The following APP variants were observed in gnomAD, a reference collection of about 807,000 sequenced individuals.
The protein encoded by APP is amyloid beta precursor protein, also known as amyloid-beta precursor protein.
In APP, 31 loss-of-function variants were observed where a neutral mutation model predicts 101.4. The observed-to-expected ratio is 0.31, with a 90% CI of 0.23 to 0.41. APP has a LOEUF of 0.41. Ranked by LOEUF, APP falls within the 10% of genes least tolerant of loss-of-function variation. APP has a pLI of 1.00. For missense variants in APP, 839 were observed against 1,003.7 expected (o/e 0.84, Z 2.22); for synonymous variants, 366 against 364.4 (o/e 1.00, Z -0.05).
At chr21:26,112,193 C>CAGAG (rs769345045) in intron 1 of APP, 47 bp from the exon 2 acceptor site, 13 of 1,597,120 alleles carry the variant, frequency 8.1e-6, no homozygotes, top group Non-Finnish European at 1.0e-5. Flanking sequence ...AGCTCCAAGG[C>CAGAG]AGAGGCTTGG....
At chr21:26,013,948 C>A (rs1291313885) in intron 6 of APP, among the ~76,000 whole-genome samples, 4 of 152,184 alleles carry the variant, frequency 2.6e-5, no homozygotes. Context: ...AAATAACAGG[C>A]TGTTACCTGT....
At chr21:25,928,366 C>CAAAG (rs1244113115) in intron 13 of APP, among the ~76,000 whole-genome samples, 3 of 151,566 alleles carry the variant, frequency 2.0e-5, no homozygotes, top group Non-Finnish European at 4.4e-5. Context: ...AACAAACAAA[C>CAAAG]AAACAAAAAA....
At chr21:26,024,583 C>T (rs1033312188) in intron 5 of APP, among the ~76,000 whole-genome samples, 3 of 152,040 alleles carry the variant, frequency 2.0e-5, no homozygotes, top group African/African-American at 7.3e-5. Flanking sequence ...CTAACAGGAC[C>T]GCCATAAGTA....
intron 3 of APP, among the ~76,000 whole-genome samples, chr21:26,073,362 GCACC>G (rs554592660): frequency 7.2e-5 from 11 of 152,264 alleles, no homozygotes; most frequent in South Asian, 6.2e-4. Context: ...TGGGGAGAAT[GCACC>G]CATCAACCGA....
chr21:25,955,680 A>C lies in APP; in HGVS notation c.1534T>G (p.Phe512Val), dbSNP rs1216587217. 6.2e-7 allele frequency: 1 copy of C among 1,614,012 alleles called. No individual in the cohort carries two copies. Among genetic ancestry groups the C allele is most frequent in the Non-Finnish European group, 8.5e-7 (1 of 1,180,036 alleles). ...GGATCCACCATGCGCACATGCTCGAAATGCTTTAGGGTGTGCTGTCTGTCC... is the reference window on the plus strand; with the variant it reads ...GGATCCACCATGCGCACATGCTCGACATGCTTTAGGGTGTGCTGTCTGTCC... ...QKDRQHTLKH[F>V]EHVRMVDPKK... is the part of the protein sequence containing the mutation. Residue 512 changes from phenylalanine to valine, a missense_variant, in exon 12 of 18, where the codon TTC becomes GTC. Phe to Val is a conservative substitution (Grantham distance 50). Coordinates refer to ENST00000346798, the MANE Select transcript of APP (RefSeq NM_000484.4).
chr21:26,128,871 T>C (rs529030185), intron 1 of APP, among the ~76,000 whole-genome samples: 164 of 152,300 alleles, frequency 1.1e-3, no homozygotes, highest in Non-Finnish European at 2.0e-3. Context: ...TTGAAATGGA[T>C]GATCAAGCAA....
At chr21:25,951,886 G>T (rs2041092284) in intron 13 of APP, among the ~76,000 whole-genome samples, 1 of 152,106 alleles carries the variant, frequency 6.6e-6, no homozygotes, top group Non-Finnish European at 1.5e-5. Flanking sequence ...TGTTTTAAAT[G>T]TTCCTTCAAA....
intron 15 of APP, among the ~76,000 whole-genome samples, chr21:25,903,078 A>G (rs1363520327): frequency 1.6e-5 from 1 of 61,834 alleles, no homozygotes; most frequent in African/African-American, 6.7e-5. Flanking sequence ...ATTTTTTTTA[A>G]AAGAATAGGC....
chr21:26,159,408 T>C (rs1449250994), intron 1 of APP, among the ~76,000 whole-genome samples: 2 of 152,122 alleles, frequency 1.3e-5, no homozygotes, highest in Admixed American at 1.3e-4. Context: ...AACATCTAAC[T>C]CCAAATAAAT....
intron 6 of APP, 130 bp from the exon 7 acceptor site, chr21:26,000,312 A>C (rs1243411747): frequency 1.7e-5 from 20 of 1,149,058 alleles, no homozygotes; most frequent in Non-Finnish European, 2.5e-5. Flanking sequence ...AGCATCTACC[A>C]AACATTTACT....
At chr21:25,887,965 G>T (rs36003052) in intron 17 of APP, among the ~76,000 whole-genome samples, 63,900 of 143,918 alleles carry the variant, frequency 0.44, 13,435 homozygotes, top group Middle Eastern at 0.51. Flanking sequence ...TTGTTCTCAG[G>T]AGTTTTTTTC....
At chr21:26,143,918 T>A (rs906907493) in intron 1 of APP, among the ~76,000 whole-genome samples, 1 of 152,208 alleles carries the variant, frequency 6.6e-6, no homozygotes, top group African/African-American at 2.4e-5. Context: ...GTAGCCTCCC[T>A]GTATTAATCT....
chr21:25,947,658 G>A (rs1393234031), intron 13 of APP, among the ~76,000 whole-genome samples: 2 of 152,132 alleles, frequency 1.3e-5, no homozygotes, highest in Non-Finnish European at 2.9e-5. Context: ...GGAGCTCTGA[G>A]ACTATTATGA....
intron 2 of APP, among the ~76,000 whole-genome samples, chr21:26,091,216 TG>T (rs892967884): frequency 1.2e-4 from 19 of 152,018 alleles, no homozygotes; most frequent in African/African-American, 4.6e-4. Flanking sequence ...CAATCTCAAG[TG>T]GCAAAAGTGA....
chr21:25,903,959 G>A (rs147160609), intron 15 of APP, among the ~76,000 whole-genome samples: 1,849 of 147,506 alleles, frequency 0.013, 21 homozygotes, highest in Non-Finnish European at 0.017. Flanking sequence ...GTCATGGCTC[G>A]AGCCTGTGGT....
chr21:25,892,330 G>GACT (rs1328775581), intron 16 of APP, among the ~76,000 whole-genome samples: 10 of 152,200 alleles, frequency 6.6e-5, no homozygotes, highest in Non-Finnish European at 1.5e-5. Context: ...CCTGATGTGT[G>GACT]ACTCTAAGTG....
At chr21:26,077,619 C>T (rs117349040) in intron 3 of APP, among the ~76,000 whole-genome samples, 3,122 of 152,164 alleles carry the variant, frequency 0.021, 45 homozygotes, top group Non-Finnish European at 0.031. Context: ...TGCATCAATG[C>T]CATTTTTTCC....
intron 13 of APP, among the ~76,000 whole-genome samples, chr21:25,914,616 C>T (rs543640656): frequency 7.2e-6 from 1 of 138,550 alleles, no homozygotes; most frequent in South Asian, 2.3e-4. Context: ...TGCAGTGGCG[C>T]AATCTCGGCT....
intron 3 of APP, among the ~76,000 whole-genome samples, chr21:26,073,788 T>C (rs1348598986): frequency 6.6e-6 from 1 of 152,146 alleles, no homozygotes; most frequent in Non-Finnish European, 1.5e-5. Flanking sequence ...TGCCCAGGAA[T>C]TCAGACTCAC....
Sources: gnomAD v4.1 joint callset for allele counts (sites outside exome capture counted in the v4.1 genomes callset) on GRCh38, gnomAD v4.1.1 for gene constraint, MANE v1.5 for transcripts, NCBI Gene and HGNC (gene_info 2026-07-23, HGNC 2026-07-21) for gene names.